ADAM12: variants seen among roughly 807,000 people sequenced by gnomAD.
The protein encoded by ADAM12 is disintegrin and metalloproteinase domain-containing protein 12.
In ADAM12, 70 loss-of-function variants were observed where a neutral mutation model predicts 106.4. The observed-to-expected ratio is 0.66, with a 90% CI of 0.54 to 0.80. The LOEUF is 0.80. Among genes scored for constraint, ADAM12 ranks in the 30% least tolerant of loss-of-function variants. The pLI, the probability that ADAM12 is intolerant of heterozygous loss-of-function variation, is 0.00. For synonymous variants in ADAM12, 420 were observed against 433.5 expected, an observed-to-expected ratio of 0.97 and a Z score of 0.39; for missense variants, 1,010 against 1,171.9, an observed-to-expected ratio of 0.86 and a Z score of 2.02.
intron 4 of ADAM12, among the ~76,000 whole-genome samples, chr10:126,143,183 T>A (rs1177154253): frequency 6.6e-6 from 1 of 151,446 alleles, no homozygotes; most frequent in Non-Finnish European, 1.5e-5. Context: ...TGTGTGTATA[T>A]GGTATCTGTG....
chr10:126,065,732 C>T lies in ADAM12; in HGVS notation c.1414-731G>A, dbSNP rs150987276. Among the ~76,000 whole-genome samples the T allele has an allele frequency of 2.1e-3, 327 of 152,248 alleles. 1 individual carries two copies. Among genetic ancestry groups the T allele is most frequent in the Non-Finnish European group, 3.6e-3 (243 of 68,010 alleles). ...GCCAACTTCTAGAAGATCTGGAAGT[C>T]GAAAGCAATTGTTAAAAAGTCATAA... On this transcript the variant is annotated intron_variant, in intron 13 of 22. Coordinates refer to ENST00000448723, the MANE Select transcript of ADAM12 (RefSeq NM_001288973.2).
At chr10:126,255,131 C>T (rs1380822451) in intron 3 of ADAM12, among the ~76,000 whole-genome samples, 1 of 152,172 alleles carries the variant, frequency 6.6e-6, no homozygotes, top group Admixed American at 6.5e-5. Context: ...CAATGCCACC[C>T]TCTGTGGGTT....
chr10:126,299,458 G>A (rs1287315677), intron 2 of ADAM12, among the ~76,000 whole-genome samples: 1 of 152,146 alleles, frequency 6.6e-6, no homozygotes, highest in Non-Finnish European at 1.5e-5. Context: ...AAAACTCAGA[G>A]AAGTTCAGCA....
chr10:126,074,232 A>T (rs1955055314), intron 11 of ADAM12, among the ~76,000 whole-genome samples: 1 of 152,212 alleles, frequency 6.6e-6, no homozygotes, highest in Admixed American at 6.5e-5. Context: ...AGTCTCAGGA[A>T]GGGTTTATAG....
chr10:126,346,741 T>G (rs1185201052), intron 1 of ADAM12, among the ~76,000 whole-genome samples: 1 of 152,220 alleles, frequency 6.6e-6, no homozygotes, highest in Non-Finnish European at 1.5e-5. Flanking sequence ...GATAGTTAGC[T>G]CTTCTTGTTG....
Position 126,130,868 on chromosome 10 carries a change from T to A in ADAM12, c.416+4716A>T, listed in dbSNP as rs902697360. Among the ~76,000 whole-genome samples the A allele has an allele frequency of 2.6e-5, 4 of 152,306 alleles. No homozygotes were observed. The South Asian group carries it at 6.2e-4, about 24-fold the overall frequency. Reference sequence around the variant, plus strand: ...ACTCTAATGAGTTAATGTCACTAGTTTATAAGTTGTTTTATTAAGGTAAAT... The same window carrying A: ...ACTCTAATGAGTTAATGTCACTAGTATATAAGTTGTTTTATTAAGGTAAAT... On this transcript the variant is annotated intron_variant, in intron 5 of 22. Transcript: ENST00000448723.
intron 9 of ADAM12, among the ~76,000 whole-genome samples, chr10:126,099,171 G>C (rs1167073196): frequency 6.6e-6 from 1 of 152,174 alleles, no homozygotes; most frequent in Non-Finnish European, 1.5e-5. Context: ...GAACACAAGT[G>C]CTGTTAATTC....
At chr10:126,063,304 C>T (rs1954796756) in intron 14 of ADAM12, among the ~76,000 whole-genome samples, 1 of 152,230 alleles carries the variant, frequency 6.6e-6, no homozygotes, top group Admixed American at 6.5e-5. Context: ...CAGAAAGCTC[C>T]AAGTACAGAG....
At chr10:126,382,979 C>T (rs1856545026) in intron 1 of ADAM12, among the ~76,000 whole-genome samples, 1 of 152,162 alleles carries the variant, frequency 6.6e-6, no homozygotes, top group South Asian at 2.1e-4. Context: ...GGGTCTCATT[C>T]TGTCACCGAG....
At chr10:126,106,182 T>C (rs12764903) in intron 8 of ADAM12, among the ~76,000 whole-genome samples, 101,446 of 151,880 alleles carry the variant, frequency 0.67, 34,688 homozygotes, top group Non-Finnish European at 0.74. Flanking sequence ...GGACTCACAG[T>C]AGGGGGAGTA....
At chr10:126,181,780 CA>C (rs1159179470) in intron 3 of ADAM12, among the ~76,000 whole-genome samples, 2 of 152,234 alleles carry the variant, frequency 1.3e-5, no homozygotes, top group African/African-American at 4.8e-5. Flanking sequence ...ACTTCTTCTG[CA>C]AGCAAGCCAG....
At chr10:126,022,571 G>A (rs1953788063) in intron 21 of ADAM12, among the ~76,000 whole-genome samples, 1 of 152,200 alleles carries the variant, frequency 6.6e-6, no homozygotes, top group South Asian at 2.1e-4. Context: ...AGCACCAGCT[G>A]CACATTTTGA....
At chr10:126,198,188 T>C (rs1443035823) in intron 3 of ADAM12, among the ~76,000 whole-genome samples, 1 of 152,210 alleles carries the variant, frequency 6.6e-6, no homozygotes, top group African/African-American at 2.4e-5. Context: ...GAGGTGCAGA[T>C]GCAGGACAGG....
At chr10:126,185,408 C>G (rs938662615) in intron 3 of ADAM12, among the ~76,000 whole-genome samples, 1 of 152,140 alleles carries the variant, frequency 6.6e-6, no homozygotes, top group Admixed American at 6.6e-5. Context: ...ATGACAGCAA[C>G]CTTTTCTGAA....
At chr10:126,190,155 A>G (rs1325149118) in intron 3 of ADAM12, among the ~76,000 whole-genome samples, 1 of 150,872 alleles carries the variant, frequency 6.6e-6, no homozygotes, top group Non-Finnish European at 1.5e-5. Flanking sequence ...GGCAGAGGGG[A>G]CTAGCGTGTA....
chr10:126,136,254 C>G (rs1440685576), intron 4 of ADAM12, among the ~76,000 whole-genome samples: 2 of 152,198 alleles, frequency 1.3e-5, no homozygotes, highest in Non-Finnish European at 2.9e-5. Flanking sequence ...ATATTCTATT[C>G]TTTGATAATG....
chr10:126,066,168 C>T lies in ADAM12; in HGVS notation c.1413+549G>A, dbSNP rs981039824. 3.9e-5 allele frequency among the ~76,000 whole-genome samples: 6 copies of T among 152,200 alleles called. No individual in the cohort carries two copies. Among genetic ancestry groups the T allele is most frequent in the African/African-American group, 7.2e-5 (3 of 41,444 alleles). ...AGCTCTGAATAATGAGACAATGGAA[C>T]TGCCAAAAGAAACGCAGTCCTAGCC... is the stretch of plus-strand genomic sequence containing the variant. On this transcript the variant is annotated intron_variant, in intron 13 of 22. Transcript: ENST00000448723. This position sits in a 1 kb window ranked among gnomAD's most constrained non-coding sequence, Gnocchi z 5.1.
intron 5 of ADAM12, 198 bp downstream of exon 5, chr10:126,135,386 T>C: frequency 1.8e-6 from 1 of 564,100 alleles, no homozygotes; most frequent in South Asian, 2.5e-5. Context: ...GGCATGAACA[T>C]GAGGCTAAGA....
chr10:126,382,079 T>C (rs947759562), intron 1 of ADAM12, among the ~76,000 whole-genome samples: 1 of 151,540 alleles, frequency 6.6e-6, no homozygotes, highest in African/African-American at 2.4e-5. Flanking sequence ...GAAGAGAGAA[T>C]GGGAACTTAT....
Sources: gnomAD v4.1 joint callset for allele counts (sites outside exome capture counted in the v4.1 genomes callset) on GRCh38, gnomAD v4.1.1 for gene constraint, Gnocchi (gnomAD v3.1) non-coding constraint, MANE v1.5 for transcripts, NCBI Gene and HGNC (gene_info 2026-07-23, HGNC 2026-07-21) for gene names.